The following PRRX2 variants were observed in gnomAD, a reference collection of about 807,000 sequenced individuals.
PRRX2 encodes paired related homeobox 2, also known as paired mesoderm homeobox protein 2.
In PRRX2, 11 loss-of-function variants were observed where a neutral mutation model predicts 18.0. The ratio of observed to expected loss-of-function variants is 0.61; its 90% CI spans 0.39 to 1.01. The LOEUF (loss-of-function observed/expected upper bound fraction) is 1.01. PRRX2 is among the 50% of genes least tolerant of loss of function. PRRX2 has a pLI of 0.01. For synonymous variants in PRRX2, 177 were observed against 154.8 expected, an observed-to-expected ratio of 1.14 and a Z score of -1.06; for missense variants, 387 against 351.0, an observed-to-expected ratio of 1.10 and a Z score of -0.82.
At chr9:129,689,293 C>T (rs1193508628) in intron 1 of PRRX2, among the ~76,000 whole-genome samples, 1 of 152,214 alleles carries the variant, frequency 6.6e-6, no homozygotes, top group African/African-American at 2.4e-5. Context: ...TGAGCCAGGG[C>T]TTCCTCGTTT....
intron 1 of PRRX2, among the ~76,000 whole-genome samples, chr9:129,707,649 G>A (rs769798893): frequency 3.0e-4 from 46 of 151,894 alleles, no homozygotes; most frequent in Non-Finnish European, 3.7e-4. Context: ...AAATTAACCC[G>A]GTACGGTGAT....
intron 1 of PRRX2, among the ~76,000 whole-genome samples, chr9:129,688,405 A>C (rs1028302972): frequency 6.6e-6 from 1 of 152,062 alleles, no homozygotes; most frequent in Non-Finnish European, 1.5e-5. Context: ...CCATGATATA[A>C]TGGGGGTCAT....
chr9:129,698,530 G>C (rs537422802), intron 1 of PRRX2, among the ~76,000 whole-genome samples: 1 of 152,206 alleles, frequency 6.6e-6, no homozygotes. Flanking sequence ...TCCTTGTTCC[G>C]GAAAAGGGGA....
intron 1 of PRRX2, among the ~76,000 whole-genome samples, chr9:129,700,198 G>T (rs1341898049): frequency 6.6e-6 from 1 of 152,148 alleles, no homozygotes; most frequent in Admixed American, 6.5e-5. Flanking sequence ...TTCTGGATGG[G>T]ATAACTGAAG....
chr9:129,666,161 G>A (rs1832018465), intron 1 of PRRX2, 35 bp downstream of exon 1: 2 of 967,396 alleles, frequency 2.1e-6, no homozygotes, highest in Non-Finnish European at 2.5e-6. Flanking sequence ...GGGTGGCGGG[G>A]CCGGGGCCGG....
chr9:129,694,470 C>T (rs1017721003), intron 1 of PRRX2, among the ~76,000 whole-genome samples: 1 of 152,218 alleles, frequency 6.6e-6, no homozygotes, highest in African/African-American at 2.4e-5. Flanking sequence ...TGGGCATAAG[C>T]CACCGTGTCC....
rs186031580 is a variant in PRRX2 at position 129,709,128 on chromosome 9, G to T, written c.260-10103G>T. ...GGGTCAGCTTTAGCCAGTGCGGTGG[G>T]GATGGGGGAAGGGTGCCCTAGCTAG... On this transcript the variant is annotated intron_variant, in intron 1 of 3. Coordinates refer to ENST00000372469, the MANE Select transcript of PRRX2 (RefSeq NM_016307.4). This position sits in a 1 kb window ranked among gnomAD's most constrained non-coding sequence, Gnocchi z 4.2. 1.0e-3 allele frequency among the ~76,000 whole-genome samples: 154 copies of T among 152,166 alleles called. No homozygotes were observed. Among genetic ancestry groups the T allele is most frequent in the African/African-American group, 3.5e-3 (145 of 41,512 alleles).
intron 1 of PRRX2, among the ~76,000 whole-genome samples, chr9:129,703,978 C>G (rs1832530223): frequency 6.6e-6 from 1 of 152,210 alleles, no homozygotes; most frequent in African/African-American, 2.4e-5. Flanking sequence ...CCAGGGGACC[C>G]CAAGAGGGGG....
intron 1 of PRRX2, among the ~76,000 whole-genome samples, chr9:129,702,055 C>T (rs1183585752): frequency 2.6e-5 from 4 of 151,636 alleles, no homozygotes; most frequent in Admixed American, 2.6e-4. Context: ...GAGCCAGGAT[C>T]GCACCACTGC....
At chr9:129,673,024 C>T (rs1832119517) in intron 1 of PRRX2, among the ~76,000 whole-genome samples, 1 of 152,178 alleles carries the variant, frequency 6.6e-6, no homozygotes, top group Non-Finnish European at 1.5e-5. Context: ...GTTAAATTTC[C>T]AGTAACTGAG....
intron 2 of PRRX2, among the ~76,000 whole-genome samples, chr9:129,720,234 C>T (rs1447116011): frequency 6.6e-6 from 1 of 150,462 alleles, no homozygotes; most frequent in Non-Finnish European, 1.5e-5. Flanking sequence ...CCCGCGAGTG[C>T]TCAGCAAGAG....
intron 1 of PRRX2, among the ~76,000 whole-genome samples, chr9:129,691,245 G>A (rs1488923107): frequency 6.6e-6 from 1 of 151,502 alleles, no homozygotes; most frequent in East Asian, 2.0e-4. Flanking sequence ...GCTGAGGCAG[G>A]AGAATTGCTT....
intron 1 of PRRX2, among the ~76,000 whole-genome samples, chr9:129,700,342 C>CTT (rs34482094): frequency 0.046 from 6,396 of 138,294 alleles, 398 homozygotes; most frequent in East Asian, 0.35. Context: ...TTGTTGTTGG[C>CTT]TTTTTTTTTT....
At chr9:129,720,217 C>CCCTCTCCCCGCGAGTGCGCAGCAAGAG (rs1832771473) in intron 2 of PRRX2, among the ~76,000 whole-genome samples, 1 of 141,416 alleles carries the variant, frequency 7.1e-6, no homozygotes, top group Non-Finnish European at 1.5e-5. Flanking sequence ...CTCAGCAAGC[C>CCCTCTCCCCGCGAGTGCGCAGCAAGAG]CCTCTCCCCG....
intron 1 of PRRX2, among the ~76,000 whole-genome samples, chr9:129,679,049 C>T (rs1357271047): frequency 6.6e-6 from 1 of 152,158 alleles, no homozygotes; most frequent in Non-Finnish European, 1.5e-5. Flanking sequence ...TGGCCGTGCC[C>T]CACGTCGCAG....
chr9:129,704,974 C>T (rs1317294029), intron 1 of PRRX2, among the ~76,000 whole-genome samples: 1 of 152,212 alleles, frequency 6.6e-6, no homozygotes, highest in Non-Finnish European at 1.5e-5. Flanking sequence ...GGGCAGCTTT[C>T]CTCCCGATAC....
intron 1 of PRRX2, among the ~76,000 whole-genome samples, chr9:129,680,261 C>T (rs954764044): frequency 2.6e-5 from 4 of 151,762 alleles, no homozygotes; most frequent in South Asian, 2.1e-4. Flanking sequence ...GTTAGCTGGG[C>T]GTGGTGGCGT....
At chr9:129,705,440 C>T (rs567299189) in intron 1 of PRRX2, among the ~76,000 whole-genome samples, 2 of 152,268 alleles carry the variant, frequency 1.3e-5, no homozygotes, top group African/African-American at 2.4e-5. Flanking sequence ...CGGCAACCTC[C>T]GCCTCCCGGG....
chr9:129,696,423 A>C lies in PRRX2; in HGVS notation c.260-22808A>C, dbSNP rs561816288. Reference sequence around the variant, plus strand: ...AACCCCGTCTCTACAAAAAATACAAAAATTGGCCAGGCGTGGTAGTGGGCG... The same window carrying C: ...AACCCCGTCTCTACAAAAAATACAACAATTGGCCAGGCGTGGTAGTGGGCG... On this transcript the variant is annotated intron_variant, in intron 1 of 3. Transcript: ENST00000372469. 5.3e-5 allele frequency among the ~76,000 whole-genome samples: 8 copies of C among 152,098 alleles called. No individual in the cohort carries two copies. In the South Asian group the frequency reaches 1.0e-3, roughly 20 times the overall value.
Sources: gnomAD v4.1 joint callset for allele counts (sites outside exome capture counted in the v4.1 genomes callset) on GRCh38, gnomAD v4.1.1 for gene constraint, Gnocchi (gnomAD v3.1) non-coding constraint, MANE v1.5 for transcripts, NCBI Gene and HGNC (gene_info 2026-07-23, HGNC 2026-07-21) for gene names.